The following AIM2 variants were observed in gnomAD, a reference collection of about 807,000 sequenced individuals.
AIM2 encodes absent in melanoma 2.
A neutral mutation model predicts 27.7 loss-of-function variants in AIM2; 30 were observed. The ratio of observed to expected loss-of-function variants is 1.08; its 90% CI spans 0.81 to 1.47. The LOEUF is 1.47. Among genes scored for constraint, AIM2 ranks in the 40% most tolerant of loss-of-function variants. The pLI is 0.00. For synonymous variants in AIM2, 141 were observed against 145.3 expected (o/e 0.97, Z 0.21); for missense variants, 358 against 411.3 (o/e 0.87, Z 1.12).
chr1:159,073,269 CA>C lies in AIM2; in HGVS notation c.230del (p.Leu77TrpfsTer19), dbSNP rs1417050187. On this transcript the variant is annotated frameshift_variant, in exon 2 of 6. Coordinates refer to ENST00000368130, the MANE Select transcript of AIM2 (RefSeq NM_004833.3). LOFTEE classifies it high-confidence loss of function. ...RIFQKLNYML[L>X]AKRLQEEKEK... ...CCTTCTCCTCCTGAAGACGTTTTGC[CA>C]AAAGCATATAATTCAACTTCTGAAA... The C allele has an allele frequency of 6.2e-7, 1 of 1,614,034 alleles. No homozygotes were observed. Among genetic ancestry groups the C allele is most frequent in the East Asian group, 2.2e-5 (1 of 44,898 alleles).
chr1:159,121,947 A>AAT (rs1332275969), intron 1 of AIM2, among the ~76,000 whole-genome samples: 4 of 152,190 alleles, frequency 2.6e-5, no homozygotes, highest in Non-Finnish European at 5.9e-5. Context: ...AGAAAAATAA[A>AAT]ATAAATTAAT....
chr1:159,076,807 C>T, upstream of AIM2: 1 of 152,354 alleles, frequency 6.6e-6, no homozygotes, highest in Non-Finnish European at 1.5e-5. Flanking sequence ...CTTCCCTTCA[C>T]CCCCAGGCCC....
chr1:159,094,166 A>G (rs1251735570), intron 1 of AIM2, among the ~76,000 whole-genome samples: 1 of 152,258 alleles, frequency 6.6e-6, no homozygotes, highest in Non-Finnish European at 1.5e-5. Context: ...AAGTGGCTAG[A>G]ACCAGAGGAC....
chr1:159,117,692 A>AT (rs372897342), intron 1 of AIM2, among the ~76,000 whole-genome samples: 98 of 152,300 alleles, frequency 6.4e-4, no homozygotes, highest in Middle Eastern at 6.8e-3. Context: ...AGCTGAGGCC[A>AT]TGTTGACCTT....
chr1:159,087,615 C>T (rs1217896215), intron 1 of AIM2, among the ~76,000 whole-genome samples: 4 of 148,852 alleles, frequency 2.7e-5, no homozygotes, highest in South Asian at 2.1e-4. Context: ...CTCTGTCACC[C>T]GGGCTGGAGT....
chr1:159,111,293 G>A (rs1383697175), intron 1 of AIM2, among the ~76,000 whole-genome samples: 2 of 152,192 alleles, frequency 1.3e-5, no homozygotes, highest in Non-Finnish European at 2.9e-5. Flanking sequence ...CCTTGTTCAA[G>A]AAGGCTAAAA....
chr1:159,056,468 C>T, the AIM2 span, among the ~76,000 whole-genome samples: 1 of 151,964 alleles, frequency 6.6e-6, no homozygotes, highest in Non-Finnish European at 1.5e-5. Flanking sequence ...TTCCTGCTGA[C>T]AGGGGGTGCT....
chr1:159,099,062 A>G (rs1239315117), intron 1 of AIM2, among the ~76,000 whole-genome samples: 1 of 151,882 alleles, frequency 6.6e-6, no homozygotes, highest in Non-Finnish European at 1.5e-5. Flanking sequence ...CAAGAAAGTC[A>G]GACTGTTGGG....
At chr1:159,108,896 A>G (rs1007759322) in intron 1 of AIM2, among the ~76,000 whole-genome samples, 1 of 152,204 alleles carries the variant, frequency 6.6e-6, no homozygotes, top group Non-Finnish European at 1.5e-5. Flanking sequence ...ATCATAGACG[A>G]CACACACAAA....
rs867835906 is a variant in AIM2, at chr1:159,113,835, T to C, written c.-16+26596A>G. Among the ~76,000 whole-genome samples, 15 of 152,262 alleles carry C rather than the reference T, an allele frequency of 9.9e-5. 1 individual carries two copies. The Middle Eastern group carries it at 0.01, about 104-fold the overall frequency. On this transcript the variant is annotated intron_variant, in intron 1 of 2. Coordinates refer to the AIM2 transcript ENST00000368129. ...TTCTTTATTGAATAGTGGTGAGGCA[T>C]GATAAGAAGTTTTGAAAGTTAGCCA...
chr1:159,107,924 C>T (rs1030726274), intron 1 of AIM2, among the ~76,000 whole-genome samples: 3 of 151,936 alleles, frequency 2.0e-5, no homozygotes, highest in Admixed American at 6.5e-5. Flanking sequence ...AAATTACCAA[C>T]AAAAAAAGTC....
chr1:159,130,307 A>T (rs887220601), intron 1 of AIM2, among the ~76,000 whole-genome samples: 3 of 152,192 alleles, frequency 2.0e-5, no homozygotes, highest in African/African-American at 7.2e-5. Context: ...TACTCACAAC[A>T]GACTGATCAT....
At chr1:159,118,802 C>T (rs1320015542) in intron 1 of AIM2, among the ~76,000 whole-genome samples, 1 of 152,122 alleles carries the variant, frequency 6.6e-6, no homozygotes, top group African/African-American at 2.4e-5. Flanking sequence ...TCCTTTAAAA[C>T]ACAATACAGT....
In AIM2 at chr1:159,066,066, C is replaced by T; in HGVS notation, c.660G>A (p.Glu220=). 3 of 1,614,150 alleles carry T rather than the reference C, an allele frequency of 1.9e-6. No individual in the cohort carries two copies. The highest frequency in any genetic ancestry group is 1.7e-6 in the Non-Finnish European group (2 of 1,180,030). ...CTAACACACGTGAGGCGCTATTTAC[C>T]TCTAAGAAACCACTGTGCCGATAAT... is the stretch of plus-strand genomic sequence containing the variant. The part of the protein sequence containing the change: ...ARYYRHSGFL[E]VNSASRVLDA... The change falls in exon 4 of 6, where the codon GAG becomes GAA. Residue 220 remains glutamate (E), a synonymous_variant. Transcript: ENST00000368130.
At chr1:159,104,736 T>C (rs1657392486) in intron 1 of AIM2, among the ~76,000 whole-genome samples, 1 of 152,216 alleles carries the variant, frequency 6.6e-6, no homozygotes, top group African/African-American at 2.4e-5. Flanking sequence ...AAATTTTAAA[T>C]TACACATGTG....
chr1:159,116,195 C>G (rs918509015), intron 1 of AIM2, among the ~76,000 whole-genome samples: 34 of 152,060 alleles, frequency 2.2e-4, no homozygotes, highest in Non-Finnish European at 4.1e-4. Context: ...AAGTGCTGGA[C>G]AGGATGTGGA....
chr1:159,136,350 C>T (rs1049626773), intron 1 of AIM2, among the ~76,000 whole-genome samples: 2 of 152,066 alleles, frequency 1.3e-5, no homozygotes, highest in African/African-American at 2.4e-5. Context: ...GTATCTACCT[C>T]GACAATTTTA....
chr1:159,056,739 A>AAAC, the AIM2 span, among the ~76,000 whole-genome samples: 1 of 147,984 alleles, frequency 6.8e-6, no homozygotes, highest in Admixed American at 6.7e-5. Context: ...AAAAAAAAAA[A>AAAC]AAAAAAAAAC....
At chr1:159,111,496 C>G (rs1443515621) in intron 1 of AIM2, among the ~76,000 whole-genome samples, 1 of 151,982 alleles carries the variant, frequency 6.6e-6, no homozygotes, top group African/African-American at 2.4e-5. Context: ...AGAACTTGCT[C>G]CTAAACAGTT....
Sources: gnomAD v4.1 joint callset for allele counts (sites outside exome capture counted in the v4.1 genomes callset) on GRCh38, gnomAD v4.1.1 for gene constraint, MANE v1.5 for transcripts, NCBI Gene and HGNC (gene_info 2026-07-23, HGNC 2026-07-21) for gene names.